C1orf21: variants seen among roughly 807,000 people sequenced by gnomAD.
The protein encoded by C1orf21 is uncharacterized protein C1orf21.
In C1orf21, 3 loss-of-function variants were observed where a neutral mutation model predicts 18.7. That is an observed-to-expected ratio of 0.16 (90% confidence interval 0.07 to 0.42). The LOEUF (loss-of-function observed/expected upper bound fraction) is 0.42. Among genes scored for constraint, C1orf21 ranks in the 10% least tolerant of loss-of-function variants. The pLI is 0.99. For synonymous variants in C1orf21, 41 were observed against 46.4 expected (o/e 0.88, Z 0.47); for missense variants, 104 against 143.6 (o/e 0.72, Z 1.41).
chr1:184,388,321 C>T (rs1655919343), intron 1 of C1orf21, among the ~76,000 whole-genome samples: 1 of 152,156 alleles, frequency 6.6e-6, no homozygotes, highest in Non-Finnish European at 1.5e-5. Context: ...AAAATATGCA[C>T]ACATAAACAC....
At chr1:184,397,893 C>CTT (rs1042532037) in intron 1 of C1orf21, among the ~76,000 whole-genome samples, 1 of 152,142 alleles carries the variant, frequency 6.6e-6, no homozygotes, top group African/African-American at 2.4e-5. Context: ...TGTAAGAACA[C>CTT]TTTAAGTTAC....
At chr1:184,568,496 T>C in intron 3 of C1orf21, 1 of 466,798 alleles carries the variant, frequency 2.1e-6, no homozygotes, top group South Asian at 1.6e-5. Flanking sequence ...GTGAGTATTA[T>C]AAGGGAATAA....
chr1:184,440,676 T>C (rs1011041084), intron 1 of C1orf21, among the ~76,000 whole-genome samples: 1 of 152,172 alleles, frequency 6.6e-6, no homozygotes, highest in Non-Finnish European at 1.5e-5. Flanking sequence ...ATAAGTAAGA[T>C]AGTAAGTTTG....
At chr1:184,420,811 G>A (rs1177407123) in intron 1 of C1orf21, among the ~76,000 whole-genome samples, 2 of 147,032 alleles carry the variant, frequency 1.4e-5, no homozygotes, top group East Asian at 2.0e-4. Context: ...AAGCCCATGA[G>A]TTTTTTTTTT....
rs753306247 is a variant in C1orf21 at position 184,574,634 on chromosome 1, G to A, written c.190-16105G>A. 1.7e-4 allele frequency among the ~76,000 whole-genome samples: 26 copies of A among 152,110 alleles called. 1 individual carries two copies. The highest frequency in any genetic ancestry group is 1.7e-3 in the Admixed American group (26 of 15,274). ...GTAGGAAAAGATTTTCACTTAAGTG[G>A]AGAGGCAAGGAATAAGGGCAAAAGG... On this transcript the variant is annotated intron_variant, in intron 3 of 5. Coordinates refer to ENST00000235307, the MANE Select transcript of C1orf21 (RefSeq NM_030806.4).
intron 3 of C1orf21, among the ~76,000 whole-genome samples, chr1:184,547,474 G>C (rs1484088662): frequency 7.3e-6 from 1 of 136,722 alleles, no homozygotes; most frequent in Non-Finnish European, 1.5e-5. Flanking sequence ...CATGCTCAAG[G>C]CAAGTCTTTG....
At chr1:184,483,125 T>A (rs1657681601) in intron 2 of C1orf21, among the ~76,000 whole-genome samples, 1 of 152,202 alleles carries the variant, frequency 6.6e-6, no homozygotes, top group South Asian at 2.1e-4. Context: ...AGAGGTCAGA[T>A]CCACTTCAGA....
At chr1:184,517,095 G>A (rs961347337) in intron 3 of C1orf21, among the ~76,000 whole-genome samples, 1 of 152,132 alleles carries the variant, frequency 6.6e-6, no homozygotes, top group Non-Finnish European at 1.5e-5. Flanking sequence ...TAGGTCAGTA[G>A]GAAAGCCAAG....
In C1orf21 at chr1:184,398,111, G is replaced by A. The variant is rs114605863; in HGVS notation, c.-125+10743G>A. Among the ~76,000 whole-genome samples, 436 of 152,228 alleles carry A rather than the reference G, an allele frequency of 2.9e-3. 5 individuals carry two copies. The highest frequency in any genetic ancestry group is 8.9e-3 in the African/African-American group (371 of 41,530). On this transcript the variant is annotated intron_variant, in intron 1 of 5. Transcript: ENST00000235307. ...ATTCAGCGGATTCTATCCTAGTTTC[G>A]CCACCTCCTAACTCCAGATTAGTGA...
intron 3 of C1orf21, among the ~76,000 whole-genome samples, chr1:184,533,576 C>T (rs560412260): frequency 3.3e-5 from 5 of 152,102 alleles, no homozygotes; most frequent in Admixed American, 1.3e-4. Flanking sequence ...ATAAATGTTC[C>T]GACATGATTT....
At chr1:184,476,846 T>A (rs1163657642) in intron 1 of C1orf21, among the ~76,000 whole-genome samples, 2 of 152,158 alleles carry the variant, frequency 1.3e-5, no homozygotes, top group African/African-American at 4.8e-5. Flanking sequence ...CTGAATTATT[T>A]ACAGCCTTAA....
chr1:184,451,236 A>G (rs57024489), intron 1 of C1orf21, among the ~76,000 whole-genome samples: 22,412 of 151,900 alleles, frequency 0.15, 1,710 homozygotes, highest in Middle Eastern at 0.2. Flanking sequence ...AATAATTGCC[A>G]TGTCTGTTCT....
At chr1:184,406,207 C>G (rs1318166906) in intron 1 of C1orf21, among the ~76,000 whole-genome samples, 1 of 152,074 alleles carries the variant, frequency 6.6e-6, no homozygotes, top group Non-Finnish European at 1.5e-5. Flanking sequence ...ATAAAATAAA[C>G]TCCTGTGATT....
At chr1:184,571,632 C>T (rs1659114677) in intron 3 of C1orf21, among the ~76,000 whole-genome samples, 1 of 152,156 alleles carries the variant, frequency 6.6e-6, no homozygotes, top group Admixed American at 6.5e-5. Flanking sequence ...AAAGGGGCAG[C>T]TGCTGTTTAT....
At chr1:184,585,034 T>C (rs1423168148) in intron 3 of C1orf21, among the ~76,000 whole-genome samples, 1 of 152,206 alleles carries the variant, frequency 6.6e-6, no homozygotes, top group Non-Finnish European at 1.5e-5. Context: ...CATTTAATCA[T>C]ATAGTTGTAG....
intron 3 of C1orf21, among the ~76,000 whole-genome samples, chr1:184,539,374 A>G (rs948815065): frequency 3.3e-5 from 5 of 152,142 alleles, no homozygotes; most frequent in African/African-American, 1.2e-4. Flanking sequence ...TCTTTTTACT[A>G]TGCTGAATTC....
chr1:184,569,007 A>G (rs1013475502), intron 3 of C1orf21, among the ~76,000 whole-genome samples: 1 of 152,188 alleles, frequency 6.6e-6, no homozygotes, highest in Non-Finnish European at 1.5e-5. Context: ...CTTGCATTTT[A>G]TTAAGTTGAA....
At chr1:184,482,002 G>A (rs779745185) in intron 2 of C1orf21, among the ~76,000 whole-genome samples, 45 of 152,208 alleles carry the variant, frequency 3.0e-4, no homozygotes, top group Non-Finnish European at 4.3e-4. Flanking sequence ...CACAGATGGT[G>A]GCAGATGAGT....
chr1:184,490,962 G>T (rs1657807910), intron 2 of C1orf21, among the ~76,000 whole-genome samples: 1 of 151,842 alleles, frequency 6.6e-6, no homozygotes, highest in Non-Finnish European at 1.5e-5. Context: ...CTATGTAGGT[G>T]GTGACATTGA....
Sources: gnomAD v4.1 joint callset for allele counts (sites outside exome capture counted in the v4.1 genomes callset) on GRCh38, gnomAD v4.1.1 for gene constraint, MANE v1.5 for transcripts, NCBI Gene and HGNC (gene_info 2026-07-23, HGNC 2026-07-21) for gene names.